The following ITPR1 variants were observed in gnomAD, a reference collection of about 807,000 sequenced individuals.
ITPR1 encodes the protein inositol 1,4,5-trisphosphate-gated calcium channel ITPR1.
Under a neutral mutation model 318.4 loss-of-function variants are expected in ITPR1, and 96 were observed. The observed-to-expected ratio is 0.30, with a 90% CI of 0.26 to 0.36. ITPR1 has a LOEUF of 0.36. Ranked by LOEUF, ITPR1 falls within the 10% of genes least tolerant of loss-of-function variation. The probability of loss-of-function intolerance (pLI) is 1.00; values close to 1 mark genes in which losing one functional copy is unlikely to be tolerated. For missense variants in ITPR1, 2,440 were observed against 3,460.2 expected (o/e 0.71, Z 7.40); for synonymous variants, 1,312 against 1,289.9 (o/e 1.02, Z -0.37).
At chr3:4,638,808 G>T (rs912990047) in intron 5 of ITPR1, among the ~76,000 whole-genome samples, 2 of 151,980 alleles carry the variant, frequency 1.3e-5, no homozygotes, top group African/African-American at 2.4e-5. Flanking sequence ...ATTACATTAT[G>T]ATTAATGTCT....
In ITPR1 at chr3:4,548,273, G is replaced by A. The variant is rs145278176; in HGVS notation, c.163+27179G>A. ...ATCTTCAGTTTTTCACCTTTGTACTGCATTCAAACATCAAGTTTGGGTTGG... is the reference window on the plus strand; with the variant it reads ...ATCTTCAGTTTTTCACCTTTGTACTACATTCAAACATCAAGTTTGGGTTGG... On this transcript the variant is annotated intron_variant, in intron 4 of 61. Coordinates refer to ENST00000649015, the MANE Select transcript of ITPR1 (RefSeq NM_001378452.1). Among the ~76,000 whole-genome samples, 116 of 152,264 alleles carry A rather than the reference G, an allele frequency of 7.6e-4. 4 individuals carry two copies. Among genetic ancestry groups the A allele is most frequent in the African/African-American group, 2.6e-3 (106 of 41,546 alleles).
At chr3:4,631,108 C>T (rs778615599) in intron 5 of ITPR1, among the ~76,000 whole-genome samples, 2 of 152,158 alleles carry the variant, frequency 1.3e-5, no homozygotes, top group Non-Finnish European at 2.9e-5. Flanking sequence ...TGTTCTTCCT[C>T]GATGAATGAA....
Position 4,501,208 on chromosome 3 carries a change from A to G in ITPR1, c.-17+6702A>G, listed in dbSNP as rs1327139460. ...ACATGCACTAGAATAGAAAACATGG[A>G]AGTGTATTTCGTGGATACTTAAAAA... On this transcript the variant is annotated intron_variant, in intron 2 of 61. Transcript: ENST00000649015. Among the ~76,000 whole-genome samples, 5 of 152,024 alleles carry G rather than the reference A, an allele frequency of 3.3e-5. No homozygotes were observed. The East Asian group carries it at 9.7e-4, about 29-fold the overall frequency.
chr3:4,748,582 G>C (rs1438643714), intron 44 of ITPR1, among the ~76,000 whole-genome samples: 1 of 152,156 alleles, frequency 6.6e-6, no homozygotes, highest in Admixed American at 6.5e-5. Context: ...CGTTTCTGTA[G>C]GTTTTCTGGA....
At chr3:4,680,510 G>A in intron 24 of ITPR1, 43 bp from the exon 25 acceptor site, 2 of 1,595,578 alleles carry the variant, frequency 1.3e-6, no homozygotes, top group Non-Finnish European at 1.7e-6. Context: ...AAGATGGTAT[G>A]TTAATGTAAC....
chr3:4,641,800 C>T (rs530710692), intron 6 of ITPR1, among the ~76,000 whole-genome samples: 4 of 152,252 alleles, frequency 2.6e-5, no homozygotes, highest in Admixed American at 6.5e-5. Context: ...ACCCCACTGA[C>T]GGATGGCAGG....
chr3:4,817,291 T>G (rs1452394231), intron 59 of ITPR1: 1 of 152,258 alleles, frequency 6.6e-6, no homozygotes, highest in Non-Finnish European at 1.5e-5. Flanking sequence ...CCTGTTGGTG[T>G]GCTGCTGCTC....
chr3:4,593,694 T>A (rs1461322389), intron 4 of ITPR1, among the ~76,000 whole-genome samples: 1 of 152,192 alleles, frequency 6.6e-6, no homozygotes, highest in Non-Finnish European at 1.5e-5. Context: ...ACCGTGTTTG[T>A]TATAGTTCAC....
At chr3:4,509,698 G>A (rs1244309436) in intron 2 of ITPR1, among the ~76,000 whole-genome samples, 1 of 152,220 alleles carries the variant, frequency 6.6e-6, no homozygotes, top group Non-Finnish European at 1.5e-5. Context: ...TCAGGAGGCT[G>A]AGGTGGGAGG....
At chr3:4,770,395 G>T (rs1346981373) in intron 46 of ITPR1, among the ~76,000 whole-genome samples, 1 of 152,208 alleles carries the variant, frequency 6.6e-6, no homozygotes, top group South Asian at 2.1e-4. Context: ...ATAGTTGTTT[G>T]AATTTTCAAT....
At chr3:4,595,747 CG>C (rs2090758366) in intron 4 of ITPR1, among the ~76,000 whole-genome samples, 2 of 151,938 alleles carry the variant, frequency 1.3e-5, no homozygotes, top group African/African-American at 4.8e-5. Context: ...TGAAGAAGGT[CG>C]CATGGCACCA....
chr3:4,611,410 T>C (rs1222459048), intron 4 of ITPR1, among the ~76,000 whole-genome samples: 1 of 151,242 alleles, frequency 6.6e-6, no homozygotes, highest in Non-Finnish European at 1.5e-5. Context: ...AATTAGAGAA[T>C]TTAGCTGGGC....
intron 44 of ITPR1, among the ~76,000 whole-genome samples, chr3:4,756,580 T>C (rs2045008948): frequency 1.3e-5 from 2 of 152,196 alleles, no homozygotes; most frequent in African/African-American, 4.8e-5. Context: ...GAACGTGCAG[T>C]ATTTGGTTTC....
chr3:4,761,619 G>T (rs2045457181), intron 44 of ITPR1, among the ~76,000 whole-genome samples: 1 of 152,250 alleles, frequency 6.6e-6, no homozygotes, highest in Non-Finnish European at 1.5e-5. Flanking sequence ...GCCAGGTGGG[G>T]TGGAGTGAAA....
At chr3:4,506,059 A>G (rs1349354558) in intron 2 of ITPR1, among the ~76,000 whole-genome samples, 1 of 152,160 alleles carries the variant, frequency 6.6e-6, no homozygotes, top group Non-Finnish European at 1.5e-5. Context: ...AAGTAAGCAT[A>G]TTTTCTTTTT....
chr3:4,516,314 C>T (rs1426377858), intron 2 of ITPR1, among the ~76,000 whole-genome samples, 162 bp from the exon 3 acceptor site: 1 of 152,178 alleles, frequency 6.6e-6, no homozygotes, highest in East Asian at 1.9e-4. Flanking sequence ...TGCATATGTC[C>T]TTACTTGGCT....
rs762841075 is a variant in ITPR1, at chr3:4,836,919, C to T, written c.8174C>T (p.Ser2725Leu). 22 of 1,588,776 alleles carry T rather than the reference C, an allele frequency of 1.4e-5. No individual in the cohort carries two copies. The highest frequency in any genetic ancestry group is 1.7e-4 in the Middle Eastern group (1 of 5,914). The change falls in exon 61 of 62, where the codon TCG becomes TTG. Residue 2725 changes from serine (S) to leucine (L), a missense_variant. Around this residue, in one of 23 missense-constraint regions of ITPR1, gnomAD observed 63 missense variants for 63.4 expected, o/e 0.99. Coordinates refer to ENST00000649015, the MANE Select transcript of ITPR1 (RefSeq NM_001378452.1). ...KLVTNLSGQL[S>L]ELKDQMTEQR... Reference sequence around the variant, plus strand: ...GTCACGAACCTTTCTGGCCAGCTGTCGGAATTAAAGGATCAGGTAAAGAAA... The same window carrying T: ...GTCACGAACCTTTCTGGCCAGCTGTTGGAATTAAAGGATCAGGTAAAGAAA...
At chr3:4,697,398 C>T (rs1459184018) in intron 34 of ITPR1, 126 bp downstream of exon 34, 2 of 860,506 alleles carry the variant, frequency 2.3e-6, no homozygotes, top group African/African-American at 3.4e-5. Flanking sequence ...ATCATTTCTA[C>T]TCTAATCCGT....
At chr3:4,777,473 T>C (rs2046552847) in intron 48 of ITPR1, 99 bp downstream of exon 48, 5 of 711,820 alleles carry the variant, frequency 7.0e-6, no homozygotes, top group Non-Finnish European at 1.2e-5. Context: ...TGAGAGTAAA[T>C]ATTAAAGATA....
Sources: allele counts gnomAD v4.1 joint callset (sites outside exome capture counted in the v4.1 genomes callset), GRCh38; gene constraint gnomAD v4.1.1; regional missense constraint gnomAD v4.1.1; transcripts MANE v1.5; gene names NCBI Gene and HGNC (gene_info 2026-07-23, HGNC 2026-07-21).